LRRC66: variants seen among roughly 807,000 people sequenced by gnomAD.
LRRC66 encodes leucine-rich repeat-containing protein 66.
Under a neutral mutation model 24.6 loss-of-function variants are expected in LRRC66, and 29 were observed. The observed-to-expected ratio is 1.18, with a 90% CI of 0.88 to 1.61. LRRC66 has a LOEUF of 1.61. LRRC66 is among the 40% of genes most tolerant of loss of function. The probability of loss-of-function intolerance (pLI) is 0.00; values close to 1 mark genes in which losing one functional copy is unlikely to be tolerated. For missense variants in LRRC66, 1,124 were observed against 1,058.0 expected, an observed-to-expected ratio of 1.06 and a Z score of -0.87; for synonymous variants, 411 against 397.6, an observed-to-expected ratio of 1.03 and a Z score of -0.40.
At chr4:52,004,455 T>A (rs1364466889) in intron 2 of LRRC66, among the ~76,000 whole-genome samples, 1 of 152,232 alleles carries the variant, frequency 6.6e-6, no homozygotes, top group Non-Finnish European at 1.5e-5. Flanking sequence ...TGAATTTTGG[T>A]CTCTGCCTTT....
rs1203806102 is a variant in LRRC66 at position 51,996,025 on chromosome 4, A to G, written c.997T>C (p.Ser333Pro). 1.2e-6 allele frequency: 2 copies of G among 1,613,762 alleles called. No homozygotes were observed. The highest frequency in any genetic ancestry group is 1.7e-6 in the Non-Finnish European group (2 of 1,179,958). The change falls in exon 5 of 5, where the codon TCT (serine) becomes CCT (proline). Residue 333 changes from serine to proline, a missense_variant. Coordinates refer to ENST00000682860, the MANE Select transcript of LRRC66 (RefSeq NM_001024611.3). Reference sequence around the variant, plus strand: ...GCCTTTGCCTTCTTCCCCAGAGTAGAAATGCCCGTGTGCCTTCCTCCCTGG... The same window carrying G: ...GCCTTTGCCTTCTTCCCCAGAGTAGGAATGCCCGTGTGCCTTCCTCCCTGG... ...RPQGGRHTGISTLGKKAKAGS... is the reference protein window; with the variant it reads ...RPQGGRHTGIPTLGKKAKAGS...
intron 3 of LRRC66, among the ~76,000 whole-genome samples, chr4:52,000,973 C>A (rs1023999831): frequency 5.3e-5 from 8 of 152,234 alleles, no homozygotes; most frequent in Admixed American, 4.6e-4. Flanking sequence ...ATAACTAATA[C>A]TCCTATCTAT....
chr4:51,997,687 A>C, intron 4 of LRRC66, 61 bp downstream of exon 4: 1 of 1,463,294 alleles, frequency 6.8e-7, no homozygotes, highest in Non-Finnish European at 9.4e-7. Flanking sequence ...AAAAGACTAA[A>C]ATGTCTATGT....
At position 51,995,852 on chromosome 4, in the gene LRRC66, G is replaced by T. The variant is rs537574975; in HGVS notation, c.1170C>A (p.Ala390=). The T allele has an allele frequency of 6.2e-7, 1 of 1,614,170 alleles. No individual in the cohort carries two copies. The highest frequency in any genetic ancestry group is 8.5e-7 in the Non-Finnish European group (1 of 1,180,032). ...CLSVFITFLV[A]FSLGAFTRPY... is the part of the protein sequence containing the mutation. ...GCCTTGTGAAAGCCCCCAGGCTGAA[G>T]GCGACAAGGAATGTGATGAACACTG... Residue 390 remains alanine (A), a synonymous_variant, in exon 5 of 5, where the codon GCC becomes GCA. Transcript: ENST00000682860.
Position 51,995,185 on chromosome 4 carries a change from G to C in LRRC66, c.1837C>G (p.Leu613Val). 6.2e-7 allele frequency: 1 copy of C among 1,614,258 alleles called. No homozygotes were observed. The change falls in exon 5 of 5, where the codon CTT becomes GTT. Residue 613 changes from leucine to valine, a missense_variant. Physicochemically the swap from Leu to Val is conservative, Grantham distance 32. Coordinates refer to ENST00000682860, the MANE Select transcript of LRRC66 (RefSeq NM_001024611.3). ...SKERGGTEQS[L>V]WDSQMEFSKE... ...GAAAATTCCATCTGCGAGTCCCAAA[G>C]TGACTGTTCAGTGCCCCCTCTTTCC...
chr4:52,007,309 G>A (rs897506446), intron 2 of LRRC66, among the ~76,000 whole-genome samples: 5 of 152,128 alleles, frequency 3.3e-5, no homozygotes, highest in Non-Finnish European at 5.9e-5. Flanking sequence ...CTTCAGAGTA[G>A]CTTGGACTAC....
intron 3 of LRRC66, among the ~76,000 whole-genome samples, chr4:51,998,616 A>C (rs1000765615): frequency 6.6e-5 from 10 of 152,210 alleles, no homozygotes; most frequent in African/African-American, 2.4e-4. Context: ...ATGGCTATTC[A>C]GTACATGCAG....
In LRRC66 at chr4:51,995,198, G is replaced by GCCC; in HGVS notation, c.1821_1823dup (p.Gly608dup). 5 of 1,614,174 alleles carry GCCC rather than the reference G, an allele frequency of 3.1e-6. No homozygotes were observed. Among genetic ancestry groups the GCCC allele is most frequent in the Non-Finnish European group, 4.2e-6 (5 of 1,180,028 alleles). On this transcript the variant is annotated inframe_insertion, in exon 5 of 5. Transcript: ENST00000682860. Reference sequence around the variant, plus strand: ...GCGAGTCCCAAAGTGACTGTTCAGTGCCCCCTCTTTCCTTACTATCTCCAG... The same window carrying GCCC: ...GCGAGTCCCAAAGTGACTGTTCAGTGCCCCCCCCTCTTTCCTTACTATCTCCAG...
intron 2 of LRRC66, among the ~76,000 whole-genome samples, chr4:52,008,907 A>T (rs966912889): frequency 5.9e-5 from 9 of 152,180 alleles, no homozygotes; most frequent in African/African-American, 2.2e-4. Flanking sequence ...TGAAGCAAAG[A>T]TAGTAAAAAC....
At chr4:52,014,083 G>A (rs1190419624) in intron 2 of LRRC66, among the ~76,000 whole-genome samples, 3 of 152,068 alleles carry the variant, frequency 2.0e-5, no homozygotes, top group Admixed American at 6.5e-5. Context: ...GAGGAGCCCC[G>A]TCTCTACTAA....
chr4:52,018,116 A>G, intron 1 of LRRC66: 1 of 985,442 alleles, frequency 1.0e-6, no homozygotes, highest in Non-Finnish European at 1.2e-6. Context: ...AACTCACAAA[A>G]GAGGCTCTTA....
At position 51,997,901 on chromosome 4, in the gene LRRC66, G is replaced by C. The variant is rs1736360610; in HGVS notation, c.703C>G (p.Leu235Val). 3 of 1,614,092 alleles carry C rather than the reference G, an allele frequency of 1.9e-6. No individual in the cohort carries two copies. The highest frequency in any genetic ancestry group is 1.7e-6 in the Non-Finnish European group (2 of 1,179,964). ...DLSNNALITI[L>V]PMMIIALEFP... is the part of the protein sequence containing the mutation. ...TCTAGAGCTATGATCATCATTGGTA[G>C]GATGGTAATCAGAGCATTGTTGCTA... The change falls in exon 4 of 5, where the codon CTA becomes GTA. Residue 235 changes from leucine (L) to valine (V), a missense_variant. By Grantham distance (32) the Leu-to-Val change is conservative. Coordinates refer to ENST00000682860, the MANE Select transcript of LRRC66 (RefSeq NM_001024611.3).
At chr4:52,001,557 G>GTACT (rs1451812571) in intron 3 of LRRC66, among the ~76,000 whole-genome samples, 2 of 152,190 alleles carry the variant, frequency 1.3e-5, no homozygotes, top group East Asian at 3.8e-4. Flanking sequence ...CATTTATAAA[G>GTACT]TACTTACTGT....
At chr4:51,997,595 A>G (rs751518747) in intron 4 of LRRC66, among the ~76,000 whole-genome samples, 153 bp downstream of exon 4, 5 of 152,336 alleles carry the variant, frequency 3.3e-5, no homozygotes, top group Admixed American at 1.3e-4. Flanking sequence ...TTTGACACCA[A>G]TGATTTTTCT....
intron 2 of LRRC66, among the ~76,000 whole-genome samples, chr4:52,010,698 A>G (rs1309649681): frequency 1.3e-5 from 2 of 152,094 alleles, no homozygotes; most frequent in Non-Finnish European, 2.9e-5. Flanking sequence ...TCTCTATCCA[A>G]TCCACTGTTG....
intron 2 of LRRC66, among the ~76,000 whole-genome samples, chr4:52,004,948 GAAGTA>G (rs1736540102): frequency 6.6e-6 from 1 of 152,170 alleles, no homozygotes; most frequent in Non-Finnish European, 1.5e-5. Flanking sequence ...ACATAAACTC[GAAGTA>G]AAGTTACTAG....
chr4:52,006,468 G>A (rs1429930095), intron 2 of LRRC66, among the ~76,000 whole-genome samples: 2 of 149,312 alleles, frequency 1.3e-5, no homozygotes, highest in Non-Finnish European at 3.0e-5. Context: ...ACCAAACACG[G>A]CATATTCTCA....
chr4:51,995,606 A>G lies in LRRC66; in HGVS notation c.1416T>C (p.Asp472=), dbSNP rs923532634. 2.5e-6 allele frequency: 4 copies of G among 1,613,892 alleles called. No homozygotes were observed. The highest frequency in any genetic ancestry group is 1.7e-6 in the Non-Finnish European group (2 of 1,179,998). ...QPHPHATVIP[D]RTLGRSRKDP... is the part of the protein sequence containing the mutation. ...CCTTTCTGCTCCTTCCCAGAGTTCT[A>G]TCAGGAATTACGGTGGCGTGTGGGT... Residue 472 remains aspartate, a synonymous_variant, in exon 5 of 5, where the codon GAT becomes GAC. Coordinates refer to ENST00000682860, the MANE Select transcript of LRRC66 (RefSeq NM_001024611.3).
intron 2 of LRRC66, among the ~76,000 whole-genome samples, chr4:52,010,841 TCGAATTG>T (rs1736685437): frequency 2.0e-5 from 3 of 152,306 alleles, no homozygotes; most frequent in Non-Finnish European, 4.4e-5. Flanking sequence ...GCTTGCTAGG[TCGAATTG>T]TAATTCTGTT....
Sources: allele counts gnomAD v4.1 joint callset (sites outside exome capture counted in the v4.1 genomes callset), GRCh38; gene constraint gnomAD v4.1.1; transcripts MANE v1.5; gene names NCBI Gene and HGNC (gene_info 2026-07-23, HGNC 2026-07-21).